FUT9: variants seen among roughly 807,000 people sequenced by gnomAD.
The protein encoded by FUT9 is fucosyltransferase 9.
FUT9 carries 15 observed loss-of-function variants against 29.7 expected under a neutral mutation model. The ratio of observed to expected loss-of-function variants is 0.51; its 90% CI spans 0.34 to 0.78. The LOEUF (loss-of-function observed/expected upper bound fraction) is 0.78. FUT9 is among the 30% of genes least tolerant of loss of function. The pLI is 0.01. For missense variants in FUT9, 319 were observed against 425.4 expected (o/e 0.75, Z 2.20); for synonymous variants, 169 against 153.7 (o/e 1.10, Z -0.74).
At chr6:96,167,291 A>G (rs986394943) in intron 2 of FUT9, among the ~76,000 whole-genome samples, 2 of 152,198 alleles carry the variant, frequency 1.3e-5, no homozygotes, top group Non-Finnish European at 2.9e-5. Context: ...AAAATGTCTA[A>G]ATCAAATGCC....
At chr6:96,083,623 T>C (rs1282607613) in intron 1 of FUT9, among the ~76,000 whole-genome samples, 1 of 152,022 alleles carries the variant, frequency 6.6e-6, no homozygotes, top group Non-Finnish European at 1.5e-5. Context: ...CACACCCTCT[T>C]CTCAGATTTC....
chr6:96,146,190 A>G (rs995793789), intron 2 of FUT9, among the ~76,000 whole-genome samples: 3 of 152,126 alleles, frequency 2.0e-5, no homozygotes, highest in African/African-American at 7.2e-5. Flanking sequence ...TGAACAGAAG[A>G]GACATGATCT....
At chr6:96,064,927 G>T (rs1243166842) in intron 1 of FUT9, among the ~76,000 whole-genome samples, 2 of 152,120 alleles carry the variant, frequency 1.3e-5, no homozygotes, top group African/African-American at 4.8e-5. Context: ...TTGTAGCATA[G>T]AAAAGTACAT....
chr6:96,165,429 T>C (rs1772997951), intron 2 of FUT9, among the ~76,000 whole-genome samples: 1 of 116,210 alleles, frequency 8.6e-6, no homozygotes, highest in African/African-American at 2.8e-5. Context: ...AGACTCCATC[T>C]CAAAAAGAAA....
chr6:96,111,520 A>C (rs1472065301), intron 1 of FUT9, among the ~76,000 whole-genome samples: 1 of 149,620 alleles, frequency 6.7e-6, no homozygotes, highest in Non-Finnish European at 1.5e-5. Flanking sequence ...GAGCCATTAA[A>C]TTATAACCAT....
At chr6:96,028,541 G>A (rs765355114) in intron 1 of FUT9, among the ~76,000 whole-genome samples, 40 of 151,566 alleles carry the variant, frequency 2.6e-4, no homozygotes, top group Admixed American at 1.6e-3. Flanking sequence ...ATATGGAATT[G>A]GATAATATGT....
At chr6:96,164,833 G>A (rs1052801022) in intron 2 of FUT9, among the ~76,000 whole-genome samples, 3 of 152,200 alleles carry the variant, frequency 2.0e-5, no homozygotes, top group Non-Finnish European at 4.4e-5. Context: ...CCAAAACTAT[G>A]TAAAGTTAAG....
intron 1 of FUT9, among the ~76,000 whole-genome samples, chr6:96,063,056 G>C (rs1770904059): frequency 6.6e-6 from 1 of 152,110 alleles, no homozygotes; most frequent in Non-Finnish European, 1.5e-5. Context: ...CCTCGTAAAT[G>C]AACTAATAGT....
At chr6:96,031,717 G>A (rs1407803474) in intron 1 of FUT9, among the ~76,000 whole-genome samples, 2 of 151,442 alleles carry the variant, frequency 1.3e-5, no homozygotes, top group Non-Finnish European at 3.0e-5. Context: ...ACATTTTGAA[G>A]AATTGACTAT....
Position 96,204,205 on chromosome 6 carries a change from T to G in FUT9, c.1050T>G (p.Val350=). 1 of 1,446,502 alleles carries G rather than the reference T, an allele frequency of 6.9e-7. No individual in the cohort carries two copies. Among genetic ancestry groups the G allele is most frequent in the Non-Finnish European group, 9.1e-7 (1 of 1,096,502 alleles). The allele number at this position is 1,446,502 out of a possible 1,614,324, so 89.6% of individuals were successfully genotyped here. The change falls in exon 3 of 3, where the codon GTT becomes GTG. Residue 350 remains valine (V), a synonymous_variant. Transcript: ENST00000302103. ...HVKRHQEYKS[V]GNLEKWFWN ...AAAGGCATCAAGAATATAAGTCTGT[T>G]GGTAATTTAGAGAAATGGTTTTGGA... is the stretch of plus-strand genomic sequence containing the variant.
chr6:96,082,002 A>G (rs1188036492), intron 1 of FUT9, among the ~76,000 whole-genome samples: 5 of 151,932 alleles, frequency 3.3e-5, no homozygotes, highest in South Asian at 4.1e-4. Flanking sequence ...ATTTAAACAT[A>G]ATTTTATTGA....
Position 96,203,836 on chromosome 6 carries a change from T to C in FUT9, c.681T>C (p.Asn227=). The change falls in exon 3 of 3, where the codon AAT becomes AAC. Residue 227 remains asparagine, a synonymous_variant. Transcript: ENST00000302103. ...TYGQAFGEYV[N]DKNLIPTIST... ...GGCAAGCATTTGGAGAATATGTCAA[T>C]GATAAAAATTTGATTCCTACCATAT... The C allele has an allele frequency of 6.2e-7, 1 of 1,611,538 alleles. No individual in the cohort carries two copies. The highest frequency in any genetic ancestry group is 8.5e-7 in the Non-Finnish European group (1 of 1,177,862).
chr6:96,124,484 A>G (rs1197260859), intron 2 of FUT9, among the ~76,000 whole-genome samples: 3 of 152,014 alleles, frequency 2.0e-5, no homozygotes, highest in Non-Finnish European at 2.9e-5. Context: ...GCTTACATAG[A>G]TTAGTGATTA....
rs1053873900 is a variant in FUT9 at position 96,070,253 on chromosome 6, T to C, written c.-97-43786T>C. On this transcript the variant is annotated intron_variant, in intron 1 of 2. Coordinates refer to ENST00000302103, the MANE Select transcript of FUT9 (RefSeq NM_006581.4). The stretch of plus-strand genomic sequence containing the variant: ...CAGAATTGATATTTCTGTGAAGCTA[T>C]TTGAACAACATTGAAATACAGAAAA... Among the ~76,000 whole-genome samples, 10 of 152,278 alleles carry C rather than the reference T, an allele frequency of 6.6e-5. No individual in the cohort carries two copies. In the East Asian group the frequency reaches 1.9e-3, roughly 29 times the overall value.
At chr6:96,109,033 T>C (rs987025307) in intron 1 of FUT9, among the ~76,000 whole-genome samples, 14 of 152,196 alleles carry the variant, frequency 9.2e-5, no homozygotes, top group Non-Finnish European at 1.0e-4. Context: ...AGTCATAAAA[T>C]TTTGATTTCA....
intron 1 of FUT9, among the ~76,000 whole-genome samples, chr6:96,021,218 A>G (rs896707565): frequency 1.3e-5 from 2 of 152,062 alleles, no homozygotes; most frequent in Non-Finnish European, 2.9e-5. Flanking sequence ...CCTTAAAAAA[A>G]GCAAGTTTCC....
chr6:96,045,681 A>G (rs185668162), intron 1 of FUT9, among the ~76,000 whole-genome samples: 47 of 152,294 alleles, frequency 3.1e-4, no homozygotes, highest in Non-Finnish European at 5.9e-4. Flanking sequence ...TAGTTCCTGT[A>G]GAGAAAAGGG....
chr6:96,162,093 G>GT (rs1231865028), intron 2 of FUT9, among the ~76,000 whole-genome samples: 1 of 152,004 alleles, frequency 6.6e-6, no homozygotes, highest in African/African-American at 2.4e-5. Flanking sequence ...GTTCTTGCGT[G>GT]TTTTCCATAG....
chr6:96,131,777 T>C (rs992831351), intron 2 of FUT9, among the ~76,000 whole-genome samples: 1 of 152,132 alleles, frequency 6.6e-6, no homozygotes, highest in African/African-American at 2.4e-5. Flanking sequence ...GTATCCTTTT[T>C]TTCTTCACCT....
Sources: gnomAD v4.1 joint callset for allele counts (sites outside exome capture counted in the v4.1 genomes callset) on GRCh38, gnomAD v4.1.1 for gene constraint, MANE v1.5 for transcripts, NCBI Gene and HGNC (gene_info 2026-07-23, HGNC 2026-07-21) for gene names.